The following ASPHD1 variants were observed in gnomAD, a reference collection of about 807,000 sequenced individuals.
The protein encoded by ASPHD1 is aspartate beta-hydroxylase domain containing 1, also known as aspartate beta-hydroxylase domain-containing protein 1.
In ASPHD1, 20 loss-of-function variants were observed where a neutral mutation model predicts 28.3. The observed-to-expected ratio is 0.71, with a 90% confidence interval of 0.50 to 1.03. The LOEUF is 1.03. ASPHD1 is among the 50% of genes least tolerant of loss of function. The pLI, the probability that ASPHD1 is intolerant of heterozygous loss-of-function variation, is 0.00. For missense variants in ASPHD1, 479 were observed against 524.1 expected, an observed-to-expected ratio of 0.91 and a Z score of 0.84; for synonymous variants, 240 against 221.2, an observed-to-expected ratio of 1.08 and a Z score of -0.75.
In ASPHD1 at chr16:29,912,351, C is replaced by T. The variant is rs148959346; in HGVS notation, c.*62+6392C>T. 952 of 481,992 alleles carry T rather than the reference C, an allele frequency of 2.0e-3. 8 individuals carry two copies. The highest frequency in any genetic ancestry group is 0.018 in the African/African-American group (863 of 49,202). 29.9% of individuals were successfully genotyped at this position (481,992 alleles called of 1,614,324 possible). On this transcript the variant is annotated intron_variant and NMD_transcript_variant, in intron 3 of 3. Coordinates refer to the ASPHD1 transcript ENST00000414952. ...GGCGTGTCCGTCATGCCATTCAGAT[C>T]GCAGGTCACACAGTGCCTCCTCAGG...
intron 3 of ASPHD1, chr16:29,911,905 T>C (rs1299309140): frequency 6.2e-7 from 1 of 1,610,178 alleles, no homozygotes; most frequent in Admixed American, 1.7e-5. Flanking sequence ...GGGGTGAGGC[T>C]GCAGGGAGAG....
downstream of ASPHD1, among the ~76,000 whole-genome samples, chr16:29,907,991 AAGAG>A (rs574753177): frequency 5.3e-5 from 8 of 151,374 alleles, no homozygotes; most frequent in East Asian, 3.9e-4. Flanking sequence ...AAAAAAAAAA[AAGAG>A]AGAGAGAGAG....
chr16:29,911,033 A>G (rs1312208732), downstream of ASPHD1: 2 of 1,613,836 alleles, frequency 1.2e-6, no homozygotes, highest in Non-Finnish European at 1.7e-6. Flanking sequence ...CACCTCGGCG[A>G]TTTTGCGGCC....
Position 29,901,049 on chromosome 16 carries a change from G to A in ASPHD1, c.78G>A (p.Trp26Ter). The change falls in exon 1 of 3, where the codon TGG becomes TGA. Residue 26 changes from tryptophan to a stop codon, truncating the protein, a stop_gained. Transcript: ENST00000308748. LOFTEE classifies it high-confidence loss of function. This position sits in a 1 kb window ranked among gnomAD's most constrained non-coding sequence, Gnocchi z 5.1. ...GAGAGACAGCCCAGAGTGGAATGTG[G>A]AAGGGAAACAGTCCAGCGGGGAGCC... ...KERETAQSGM[W>*]KGNSPAGSQG... is the part of the protein sequence containing the mutation. 6.2e-7 allele frequency: 1 copy of A among 1,600,174 alleles called. No individual in the cohort carries two copies. The highest frequency in any genetic ancestry group is 8.5e-7 in the Non-Finnish European group (1 of 1,173,100).
At chr16:29,908,131 G>A (rs1470038760), downstream of ASPHD1, among the ~76,000 whole-genome samples, 4 of 152,142 alleles carry the variant, frequency 2.6e-5, no homozygotes, top group Non-Finnish European at 1.5e-5. Context: ...TTGACCAAAG[G>A]AGTGGGGGAG....
At chr16:29,906,768 C>A, downstream of ASPHD1, 1 of 961,992 alleles carries the variant, frequency 1.0e-6, no homozygotes. Context: ...CAGAGGAGGA[C>A]CCACGACTTG....
At chr16:29,908,174 T>C (rs2068645782), downstream of ASPHD1, among the ~76,000 whole-genome samples, 1 of 151,818 alleles carries the variant, frequency 6.6e-6, no homozygotes, top group East Asian at 1.9e-4. Context: ...AAGAGCAGCC[T>C]GGGGAGGGCC....
At chr16:29,907,177 G>C, downstream of ASPHD1, 1 of 1,135,182 alleles carries the variant, frequency 8.8e-7, no homozygotes, top group Non-Finnish European at 1.3e-6. Flanking sequence ...CCCCTGCCTA[G>C]GGCCCCTGCA....
chr16:29,916,689 C>G (rs980463314), intron 3 of ASPHD1, among the ~76,000 whole-genome samples: 13 of 152,194 alleles, frequency 8.5e-5, no homozygotes, highest in Non-Finnish European at 1.5e-4. Flanking sequence ...CAGAGCAAGA[C>G]TCTGTCTCTA....
intron 3 of ASPHD1, among the ~76,000 whole-genome samples, chr16:29,916,895 G>C (rs1305593308): frequency 6.6e-6 from 1 of 152,136 alleles, no homozygotes; most frequent in Non-Finnish European, 1.5e-5. Context: ...CACCACTATG[G>C]CGGGGAGTCT....
At position 29,901,963 on chromosome 16, in the gene ASPHD1, T is replaced by C; in HGVS notation, c.949+43T>C. 6 of 1,407,340 alleles carry C rather than the reference T, an allele frequency of 4.3e-6. No individual in the cohort carries two copies. Among genetic ancestry groups the C allele is most frequent in the Non-Finnish European group, 5.6e-6 (6 of 1,073,522 alleles). 87.2% of individuals were successfully genotyped at this position (1,407,340 alleles called of 1,614,324 possible). On this transcript the variant is annotated intron_variant, in intron 1 of 2. Coordinates refer to ENST00000308748, the MANE Select transcript of ASPHD1 (RefSeq NM_181718.4). The surrounding 1 kb of genome is among the most constrained non-coding windows in gnomAD (Gnocchi z 5.1). ...ACTGACAACCTCCTTGCCTCGATGA[T>C]TTCCCCCCCAGACCCTTCTCTCCGC...
chr16:29,908,190 C>T (rs2068646041), downstream of ASPHD1, among the ~76,000 whole-genome samples: 1 of 151,964 alleles, frequency 6.6e-6, no homozygotes, highest in African/African-American at 2.4e-5. Context: ...GGGCCAGGGC[C>T]AGCGTGAGAG....
At chr16:29,918,066 A>C (rs937554574) in intron 3 of ASPHD1, among the ~76,000 whole-genome samples, 11 of 152,258 alleles carry the variant, frequency 7.2e-5, no homozygotes, top group Admixed American at 3.3e-4. Context: ...GACTACATCC[A>C]AATCAAGAAT....
In ASPHD1 at chr16:29,905,015, G is replaced by A. The variant is rs2068589026; in HGVS notation, c.1063+50G>A. 19 of 1,394,614 alleles carry A rather than the reference G, an allele frequency of 1.4e-5. No homozygotes were observed. In the East Asian group the frequency reaches 4.4e-4, roughly 32 times the overall value. 86.4% of individuals were successfully genotyped at this position (1,394,614 alleles called of 1,614,324 possible). A position where few individuals can be genotyped will look rare whatever the true frequency, so the allele number is the denominator to read the frequency against. The stretch of plus-strand genomic sequence containing the variant: ...GGGGATGAGGGACTCAGGAGCAAAG[G>A]AGCGTTGACTAGAAGGCAGCAGAAT... On this transcript the variant is annotated intron_variant, in intron 2 of 2. Coordinates refer to ENST00000308748, the MANE Select transcript of ASPHD1 (RefSeq NM_181718.4).
rs371447273 is a variant in ASPHD1, at chr16:29,902,937, G to T, written c.949+1017G>T. On this transcript the variant is annotated intron_variant, in intron 1 of 2. Transcript: ENST00000308748. ...GGGTCTCACTCTGTCACCCAGGCTG[G>T]AGTGCAGTGGCACAAACATGGCTCA... 3.4e-5 allele frequency among the ~76,000 whole-genome samples: 5 copies of T among 146,962 alleles called. No homozygotes were observed. In the East Asian group the frequency reaches 9.8e-4, roughly 29 times the overall value.
At chr16:29,909,936 A>G (rs548670448), downstream of ASPHD1, among the ~76,000 whole-genome samples, 1 of 151,818 alleles carries the variant, frequency 6.6e-6, no homozygotes, top group South Asian at 2.1e-4. Flanking sequence ...AGTCTCTACT[A>G]AAAAATACAA....
intron 1 of ASPHD1, among the ~76,000 whole-genome samples, chr16:29,902,804 C>G (rs1043023063): frequency 4.6e-5 from 7 of 151,798 alleles, no homozygotes; most frequent in Admixed American, 6.6e-5. Flanking sequence ...CATGAGCCAC[C>G]GTGCCTAGCC....
At chr16:29,903,087 G>A (rs1257630619) in intron 1 of ASPHD1, among the ~76,000 whole-genome samples, 1 of 150,898 alleles carries the variant, frequency 6.6e-6, no homozygotes, top group African/African-American at 2.4e-5. Context: ...CAGGCGCGGT[G>A]GCTCACGCCT....
downstream of ASPHD1, among the ~76,000 whole-genome samples, chr16:29,909,970 G>T (rs910839764): frequency 1.3e-5 from 2 of 151,860 alleles, no homozygotes; most frequent in Admixed American, 6.6e-5. Context: ...ATGGAGGCGG[G>T]TGCCTGTAGT....
Sources: gnomAD v4.1 joint callset for allele counts (sites outside exome capture counted in the v4.1 genomes callset) on GRCh38, gnomAD v4.1.1 for gene constraint, Gnocchi (gnomAD v3.1) non-coding constraint, MANE v1.5 for transcripts, NCBI Gene and HGNC (gene_info 2026-07-23, HGNC 2026-07-21) for gene names.